The following PDE11A variants were observed in gnomAD, a reference collection of about 807,000 sequenced individuals.
PDE11A encodes the protein dual 3',5'-cyclic-AMP and -GMP phosphodiesterase 11A.
Under a neutral mutation model 100.5 loss-of-function variants are expected in PDE11A, and 100 were observed. The observed-to-expected ratio is 1.00, with a 90% CI of 0.85 to 1.18. The LOEUF (loss-of-function observed/expected upper bound fraction) is 1.18. Among genes scored for constraint, PDE11A ranks in the 50% most tolerant of loss-of-function variants. PDE11A has a pLI of 0.00. For synonymous variants in PDE11A, 381 were observed against 420.8 expected, an observed-to-expected ratio of 0.91 and a Z score of 1.16; for missense variants, 1,141 against 1,152.6, an observed-to-expected ratio of 0.99 and a Z score of 0.15.
chr2:177,787,307 G>C (rs1399256879), intron 9 of PDE11A, among the ~76,000 whole-genome samples: 7 of 150,524 alleles, frequency 4.7e-5, no homozygotes, highest in Non-Finnish European at 8.9e-5. Flanking sequence ...AAGTGAAGGA[G>C]AAATAAAACA....
At chr2:177,637,576 GT>G (rs1042612855) in intron 19 of PDE11A, among the ~76,000 whole-genome samples, 1 of 151,600 alleles carries the variant, frequency 6.6e-6, no homozygotes, top group African/African-American at 2.4e-5. Flanking sequence ...AGTTTTAAAA[GT>G]GCTGGTTTTC....
At chr2:177,659,702 A>T (rs918059730) in intron 19 of PDE11A, among the ~76,000 whole-genome samples, 2 of 152,246 alleles carry the variant, frequency 1.3e-5, no homozygotes, top group Admixed American at 1.3e-4. Context: ...ATACTGTGAC[A>T]TGAGGGTTTC....
At chr2:178,076,243 A>G (rs1340437424), upstream of PDE11A, among the ~76,000 whole-genome samples, 1 of 152,218 alleles carries the variant, frequency 6.6e-6, no homozygotes, top group Admixed American at 6.5e-5. Context: ...GTAGCCTCTC[A>G]TTAAAGAAGA....
At chr2:177,851,313 G>A (rs542595370) in intron 5 of PDE11A, among the ~76,000 whole-genome samples, 8 of 151,888 alleles carry the variant, frequency 5.3e-5, no homozygotes, top group Admixed American at 1.3e-4. Flanking sequence ...GCATGTTCTC[G>A]CTCATAGGTG....
intron 2 of PDE11A, among the ~76,000 whole-genome samples, chr2:178,078,234 A>G (rs983188972): frequency 4.6e-5 from 7 of 151,954 alleles, no homozygotes; most frequent in African/African-American, 1.7e-4. Flanking sequence ...AATGTCACAC[A>G]TATTATGTTT....
At chr2:177,926,683 A>G (rs2085128710) in intron 2 of PDE11A, among the ~76,000 whole-genome samples, 1 of 152,184 alleles carries the variant, frequency 6.6e-6, no homozygotes, top group South Asian at 2.1e-4. Flanking sequence ...ATAGCTATTT[A>G]TTGATTTTGC....
intron 15 of PDE11A, among the ~76,000 whole-genome samples, chr2:177,696,872 A>G (rs1436772161): frequency 1.3e-5 from 2 of 152,208 alleles, no homozygotes; most frequent in African/African-American, 4.8e-5. Flanking sequence ...AAAGGCCTGA[A>G]CTTTGGTGAA....
chr2:178,093,558 A>G (rs767669941), intron 2 of PDE11A, among the ~76,000 whole-genome samples: 1 of 152,212 alleles, frequency 6.6e-6, no homozygotes, highest in Non-Finnish European at 1.5e-5. Context: ...AAAGAGAAAC[A>G]GAACTGCTAC....
chr2:178,018,592 C>G (rs902192279), intron 1 of PDE11A: 15 of 317,520 alleles, frequency 4.7e-5, no homozygotes, highest in Non-Finnish European at 6.8e-5. Flanking sequence ...ATTGTTGAGA[C>G]AAAACTCTTT....
chr2:177,805,797 G>A (rs1440091870), intron 9 of PDE11A, among the ~76,000 whole-genome samples: 1 of 152,014 alleles, frequency 6.6e-6, no homozygotes, highest in Non-Finnish European at 1.5e-5. Context: ...TTTATGGTTA[G>A]GTAAAGAAGA....
At chr2:178,072,883 C>T (rs2087158071), upstream of PDE11A, 1 of 1,134,328 alleles carries the variant, frequency 8.8e-7, no homozygotes, top group Non-Finnish European at 1.1e-6. Flanking sequence ...GACGCCAGAC[C>T]AGCCAAAGTC....
chr2:178,084,634 T>C (rs1427467287), intron 2 of PDE11A, among the ~76,000 whole-genome samples: 1 of 152,194 alleles, frequency 6.6e-6, no homozygotes, highest in Non-Finnish European at 1.5e-5. Context: ...GCATAGGGCA[T>C]GACTGGTCGG....
At chr2:178,091,989 C>T (rs1422961284) in intron 2 of PDE11A, among the ~76,000 whole-genome samples, 1 of 152,010 alleles carries the variant, frequency 6.6e-6, no homozygotes, top group Non-Finnish European at 1.5e-5. Context: ...TTTAAGTCAC[C>T]CAAGGTCAAC....
intron 6 of PDE11A, among the ~76,000 whole-genome samples, chr2:177,839,929 T>C (rs2083462322): frequency 2.0e-5 from 3 of 152,190 alleles, no homozygotes; most frequent in South Asian, 4.1e-4. Context: ...TTGGGAGCAA[T>C]TTTTATAAAT....
At chr2:177,654,120 C>A (rs1297939687) in intron 19 of PDE11A, among the ~76,000 whole-genome samples, 1 of 152,142 alleles carries the variant, frequency 6.6e-6, no homozygotes, top group Non-Finnish European at 1.5e-5. Context: ...TAAAATGAGG[C>A]ACCAAAGTGC....
chr2:177,947,785 TA>T (rs1474620585), intron 2 of PDE11A, among the ~76,000 whole-genome samples: 1 of 1,058 alleles, frequency 9.5e-4, no homozygotes, highest in South Asian at 0.071. Flanking sequence ...TTTAAAAAAA[TA>T]AAAAAATAAA....
At chr2:177,765,170 GAAC>G (rs1196673075) in intron 10 of PDE11A, among the ~76,000 whole-genome samples, 1 of 152,056 alleles carries the variant, frequency 6.6e-6, no homozygotes, top group African/African-American at 2.4e-5. Context: ...GAACAAAACA[GAAC>G]AACAACACTC....
intron 2 of PDE11A, among the ~76,000 whole-genome samples, chr2:177,987,361 C>T (rs1167712372): frequency 6.6e-6 from 1 of 152,194 alleles, no homozygotes; most frequent in Non-Finnish European, 1.5e-5. Flanking sequence ...TCCAACCATT[C>T]AATTACCATA....
At chr2:177,858,607 A>G (rs2083886715) in intron 5 of PDE11A, among the ~76,000 whole-genome samples, 1 of 152,210 alleles carries the variant, frequency 6.6e-6, no homozygotes, top group African/African-American at 2.4e-5. Flanking sequence ...CAGGTGCTGG[A>G]AAGGATGTGG....
Sources: gnomAD v4.1 joint callset for allele counts (sites outside exome capture counted in the v4.1 genomes callset) on GRCh38, gnomAD v4.1.1 for gene constraint, MANE v1.5 for transcripts, NCBI Gene and HGNC (gene_info 2026-07-23, HGNC 2026-07-21) for gene names.